Variants in CLCNKB observed in about 807,000 individuals in gnomAD.
CLCNKB encodes the protein chloride voltage-gated channel Kb.
CLCNKB carries 74 observed loss-of-function variants against 83.8 expected under a neutral mutation model. The ratio of observed to expected loss-of-function variants is 0.88; its 90% CI spans 0.73 to 1.07. CLCNKB has a LOEUF of 1.07. CLCNKB is among the 50% of genes least tolerant of loss of function. The pLI, the probability that CLCNKB is intolerant of heterozygous loss-of-function variation, is 0.00. For synonymous variants in CLCNKB, 358 were observed against 356.6 expected, an observed-to-expected ratio of 1.00 and a Z score of -0.04; for missense variants, 798 against 893.6, an observed-to-expected ratio of 0.89 and a Z score of 1.36.
chr1:16,056,651 T>C (rs927703906), intron 19 of CLCNKB, 143 bp downstream of exon 19: 19 of 1,043,176 alleles, frequency 1.8e-5, no homozygotes, highest in African/African-American at 6.4e-5. Context: ...GTCCCTCTTC[T>C]TGGCCCAGAT....
Position 16,056,479 on chromosome 1 carries a change from A to C in CLCNKB, c.1987A>C (p.Arg663=). The part of the protein sequence containing the change: ...LHSLFVTSRG[R]AVGCVSWVEM... ...TTCCCTCTTTGTGACGTCGCGGGGC[A>C]GAGCTGTGGGCTGCGTGTCCTGGGT... Residue 663 remains arginine, a synonymous_variant, in exon 19 of 20, where the codon AGA becomes CGA. Transcript: ENST00000375679. The C allele has an allele frequency of 6.2e-7, 1 of 1,606,562 alleles. No homozygotes were observed. The highest frequency in any genetic ancestry group is 8.5e-7 in the Non-Finnish European group (1 of 1,175,280).
intron 15 of CLCNKB, 146 bp from the exon 16 acceptor site, chr1:16,053,493 T>C: frequency 8.7e-7 from 1 of 1,145,440 alleles, no homozygotes; most frequent in South Asian, 1.3e-5. Flanking sequence ...GTTCTAGGAG[T>C]CCCTCATTCC....
chr1:16,043,934 G>GA (rs1355152585), intron 1 of CLCNKB, 54 bp downstream of exon 1: 1 of 26,114 alleles, frequency 3.8e-5, no homozygotes, highest in Non-Finnish European at 1.3e-4. Flanking sequence ...AGGCAGGGCG[G>GA]GGGGGGGGGG....
intron 3 of CLCNKB, among the ~76,000 whole-genome samples, chr1:16,045,976 C>T (rs2023088394): frequency 6.6e-6 from 1 of 152,224 alleles, no homozygotes; most frequent in African/African-American, 2.4e-5. Flanking sequence ...TTCTCCTTCC[C>T]TCCTCCATGC....
intron 4 of CLCNKB, among the ~76,000 whole-genome samples, chr1:16,047,159 C>A (rs2023126791): frequency 6.6e-6 from 1 of 152,174 alleles, no homozygotes; most frequent in African/African-American, 2.4e-5. Context: ...GGACCTTACC[C>A]TAGGCTGGGT....
chr1:16,056,989 T>C lies in CLCNKB; in HGVS notation c.*73T>C, dbSNP rs2023468435. 2 of 1,353,864 alleles carry C rather than the reference T, an allele frequency of 1.5e-6. No individual in the cohort carries two copies. Among genetic ancestry groups the C allele is most frequent in the African/African-American group, 2.8e-5 (2 of 70,828 alleles). 83.9% of individuals were successfully genotyped at this position (1,353,864 alleles called of 1,614,324 possible). On this transcript the variant is annotated 3_prime_UTR_variant, in exon 20 of 20. Transcript: ENST00000375679. ...AGGTTGGGCTGAGACCCTGCTTCTCTTCCCCCATCACCACCTGCCCCTCCC... is the reference window on the plus strand; with the variant it reads ...AGGTTGGGCTGAGACCCTGCTTCTCCTCCCCCATCACCACCTGCCCCTCCC...
intron 8 of CLCNKB, 115 bp from the exon 9 acceptor site, chr1:16,049,503 A>T: frequency 6.8e-7 from 1 of 1,469,114 alleles, no homozygotes; most frequent in Non-Finnish European, 9.3e-7. Context: ...GAATGCCAGG[A>T]CACAGATTCC....
Position 16,044,743 on chromosome 1 carries a change from G to A in CLCNKB, c.100+151G>A, listed in dbSNP as rs916648566. 214 of 699,098 alleles carry A rather than the reference G, an allele frequency of 3.1e-4. 2 individuals are homozygous for A. The African/African-American group carries it at 3.1e-3, about 10-fold the overall frequency. The allele number at this position is 699,098 out of a possible 1,614,324, so 43.3% of individuals were successfully genotyped here. A position where few individuals can be genotyped will look rare whatever the true frequency, so the allele number is the denominator to read the frequency against. ...CCCAAAGTCTCCTGGGTGGCAGGGA[G>A]GGAAGGGGTCTGTCTGTCCAGCTGT... is the stretch of plus-strand genomic sequence containing the variant. On this transcript the variant is annotated intron_variant, in intron 2 of 19. Coordinates refer to ENST00000375679, the MANE Select transcript of CLCNKB (RefSeq NM_000085.5).
rs2023469276 is a variant in CLCNKB at position 16,057,009 on chromosome 1, C to T, written c.*93C>T. On this transcript the variant is annotated 3_prime_UTR_variant, in exon 20 of 20. Coordinates refer to ENST00000375679, the MANE Select transcript of CLCNKB (RefSeq NM_000085.5). ...TTCTCTTCCCCCATCACCACCTGCC[C>T]CTCCCTCCAGCCCAGCTCCATTCTT... 5.2e-6 allele frequency: 6 copies of T among 1,150,250 alleles called. No homozygotes were observed. In the Admixed American group the frequency reaches 1.1e-4, roughly 22 times the overall value. The allele number at this position is 1,150,250 out of a possible 1,614,324, so 71.3% of individuals were successfully genotyped here.
chr1:16,044,643 A>T (rs1467386017), intron 2 of CLCNKB, 51 bp downstream of exon 2: 2 of 1,448,424 alleles, frequency 1.4e-6, no homozygotes, highest in East Asian at 4.9e-5. Flanking sequence ...TCAGGACATC[A>T]TTCCTGCCCA....
Position 16,051,103 on chromosome 1 carries a change from T to G in CLCNKB, c.1227+55T>G, listed in dbSNP as rs369520464. On this transcript the variant is annotated intron_variant, in intron 12 of 19. Transcript: ENST00000375679. ...GAGCTGGGACCAGCTCTGGTGGTGG[T>G]GGGGGGTACCTCATCGCAGCTGGTG... is the stretch of plus-strand genomic sequence containing the variant. 5,073 of 1,611,650 alleles carry G rather than the reference T, an allele frequency of 3.1e-3. 167 individuals are homozygous for G. In the African/African-American group the frequency reaches 0.061, roughly 19 times the overall value.
intron 5 of CLCNKB, 78 bp downstream of exon 5, chr1:16,048,122 AGC>A: frequency 6.4e-7 from 1 of 1,552,990 alleles, no homozygotes. Flanking sequence ...ACCCCACGAA[AGC>A]TGCGTCAGAG....
At chr1:16,055,905 A>G in intron 18 of CLCNKB, 147 bp downstream of exon 18, 2 of 763,954 alleles carry the variant, frequency 2.6e-6, no homozygotes, top group Non-Finnish European at 4.5e-6. Context: ...TGTCCTCATC[A>G]GCAGACTGGG....
Position 16,049,827 on chromosome 1 carries a change from C to T in CLCNKB, c.879C>T (p.Gly293=), listed in dbSNP as rs772359152. 3.1e-6 allele frequency: 5 copies of T among 1,613,800 alleles called. No homozygotes were observed. Among genetic ancestry groups the T allele is most frequent in the Non-Finnish European group, 4.2e-6 (5 of 1,179,846 alleles). ...FFFVALGGLC[G]ILGSAYLFCQ... ...CCATGCTCCCCAGGGGTCTCTGTGG[C>T]ATCCTGGGCAGCGCTTACCTCTTCT... Residue 293 remains glycine, a synonymous_variant, in exon 10 of 20, where the codon GGC becomes GGT. Coordinates refer to ENST00000375679, the MANE Select transcript of CLCNKB (RefSeq NM_000085.5).
At position 16,046,243 on chromosome 1, in the gene CLCNKB, T is replaced by G. The variant is rs2023098081; in HGVS notation, c.230-292T>G. On this transcript the variant is annotated intron_variant, in intron 3 of 19. Coordinates refer to ENST00000375679, the MANE Select transcript of CLCNKB (RefSeq NM_000085.5). ...CCTTTAGTCTTTAACGTCTTTAGTC[T>G]TCAATGAGCCTGTGAGGAAGAGCCC... 1.3e-5 allele frequency among the ~76,000 whole-genome samples: 2 copies of G among 152,234 alleles called. 1 individual carries two copies. Among genetic ancestry groups the G allele is most frequent in the South Asian group, 4.1e-4 (2 of 4,830 alleles).
chr1:16,053,557 C>T (rs1405963178), intron 15 of CLCNKB, 82 bp from the exon 16 acceptor site: 1 of 1,605,260 alleles, frequency 6.2e-7, no homozygotes, highest in African/African-American at 1.3e-5. Flanking sequence ...CCGGTTCAAG[C>T]AAAGCTCCCC....
rs1557465986 is a variant in CLCNKB, at chr1:16,045,543, C to T, written c.101-15C>T. On this transcript the variant is annotated splice_polypyrimidine_tract_variant and intron_variant, in intron 2 of 19. Transcript: ENST00000375679. Reference sequence around the variant, plus strand: ...CCTGCCCCACCCTGTGCCGTGACCCCATGCCCTGCCCCAGGTGGCCTGGAG... The same window carrying T: ...CCTGCCCCACCCTGTGCCGTGACCCTATGCCCTGCCCCAGGTGGCCTGGAG... 2 of 1,612,560 alleles carry T rather than the reference C, an allele frequency of 1.2e-6. No individual in the cohort carries two copies. Among genetic ancestry groups the T allele is most frequent in the Non-Finnish European group, 1.7e-6 (2 of 1,178,900 alleles).
intron 15 of CLCNKB, 100 bp from the exon 16 acceptor site, chr1:16,053,539 G>A (rs1473963655): frequency 1.3e-5 from 21 of 1,569,026 alleles, no homozygotes; most frequent in South Asian, 3.4e-5. Context: ...CTCCAGAGCC[G>A]TGGGTCCCCG....
rs974736819 is a variant in CLCNKB, at chr1:16,051,757, C to T, written c.1345C>T (p.Pro449Ser). 3 of 1,613,814 alleles carry T rather than the reference C, an allele frequency of 1.9e-6. No individual in the cohort carries two copies. Among genetic ancestry groups the T allele is most frequent in the South Asian group, 1.1e-5 (1 of 91,086 alleles). Reference protein sequence around the residue: ...LFGETLSFIFPEGIVAGGITN... With the variant: ...LFGETLSFIFSEGIVAGGITN... ...TGGGGAGACTCTCTCTTTTATCTTCCCTGAGGGCATCGTGGCTGGAGGGAT... is the reference window on the plus strand; with the variant it reads ...TGGGGAGACTCTCTCTTTTATCTTCTCTGAGGGCATCGTGGCTGGAGGGAT... The change falls in exon 14 of 20, where the codon CCT becomes TCT. Residue 449 changes from proline (P) to serine (S), a missense_variant. Pro to Ser is a moderately conservative substitution (Grantham distance 74). Transcript: ENST00000375679.
Sources: gnomAD v4.1 joint callset for allele counts (sites outside exome capture counted in the v4.1 genomes callset) on GRCh38, gnomAD v4.1.1 for gene constraint, MANE v1.5 for transcripts, NCBI Gene and HGNC (gene_info 2026-07-23, HGNC 2026-07-21) for gene names.